The following LUC7L3 variants were observed in gnomAD, a reference collection of about 807,000 sequenced individuals.
The protein encoded by LUC7L3 is LUC7 like 3 pre-mRNA splicing factor, also known as luc7-like protein 3.
A neutral mutation model predicts 66.8 loss-of-function variants in LUC7L3; 6 were observed. That is an observed-to-expected ratio of 0.09 (90% CI 0.05 to 0.18). LUC7L3 has a LOEUF of 0.18. LUC7L3 is among the 10% of genes least tolerant of loss of function. The pLI, the probability that LUC7L3 is intolerant of heterozygous loss-of-function variation, is 1.00. For synonymous variants in LUC7L3, 160 were observed against 174.7 expected (o/e 0.92, Z 0.66); for missense variants, 341 against 531.1 (o/e 0.64, Z 3.52).
rs548930554 is a variant in LUC7L3, at chr17:50,736,790, T to C, written c.100-170T>C. The C allele has an allele frequency of 6.8e-4, 381 of 563,536 alleles. 4 individuals are homozygous for C. The South Asian group carries it at 8.6e-3, about 13-fold the overall frequency. The allele number at this position is 563,536 out of a possible 1,614,324, so 34.9% of individuals were successfully genotyped here. On this transcript the variant is annotated intron_variant, in intron 1 of 9. Transcript: ENST00000505658. The stretch of plus-strand genomic sequence containing the variant: ...TGCAGATTTATTCTTTTATCGAAAT[T>C]CAGGAGTCTGAAAATCACTAATTTA...
At chr17:50,740,987 C>A in intron 3 of LUC7L3, 115 bp from the exon 4 acceptor site, 4 of 989,440 alleles carry the variant, frequency 4.0e-6, no homozygotes, top group Non-Finnish European at 6.2e-6. Context: ...TCAAATACAC[C>A]TGGTTTACCC....
intron 2 of LUC7L3, among the ~76,000 whole-genome samples, chr17:50,739,171 A>G (rs1970185792): frequency 6.6e-6 from 1 of 152,230 alleles, no homozygotes; most frequent in Admixed American, 6.5e-5. Context: ...CTCATCTACT[A>G]CAGAGCAGAA....
intron 1 of LUC7L3, among the ~76,000 whole-genome samples, chr17:50,720,875 GAAA>G (rs1968702037): frequency 2.6e-5 from 4 of 152,182 alleles, no homozygotes; most frequent in Non-Finnish European, 5.9e-5. Context: ...AGGACTTTAA[GAAA>G]GAGTAAGTTT....
intron 1 of LUC7L3, chr17:50,723,477 A>C (rs1044043184): frequency 6.6e-6 from 1 of 152,428 alleles, no homozygotes; most frequent in African/African-American, 2.4e-5. Context: ...TTGCTTTAAA[A>C]ATGTTCAGAA....
Position 50,754,489 on chromosome 17 carries a change from T to C in LUC7L3, c.*3828T>C, listed in dbSNP as rs1971075206. ...TAACAGTTCATTAGTATAAAACAAATTGGGTAAACTTTTGTTGGTCATCAA... is the reference window on the plus strand; with the variant it reads ...TAACAGTTCATTAGTATAAAACAAACTGGGTAAACTTTTGTTGGTCATCAA... On this transcript the variant is annotated 3_prime_UTR_variant, in exon 10 of 10. Coordinates refer to ENST00000505658, the MANE Select transcript of LUC7L3 (RefSeq NM_016424.5). The C allele has an allele frequency of 6.6e-6, 1 of 152,156 alleles. No homozygotes were observed. The highest frequency in any genetic ancestry group is 2.4e-5 in the African/African-American group (1 of 41,438). The allele number at this position is 152,156 out of a possible 1,614,324, so 9.4% of individuals were successfully genotyped here.
At chr17:50,728,461 TAA>T (rs61350072) in intron 1 of LUC7L3, among the ~76,000 whole-genome samples, 1 of 151,634 alleles carries the variant, frequency 6.6e-6, no homozygotes, top group South Asian at 2.1e-4. Context: ...AACTCTTAGG[TAA>T]AAAAAAATAT....
At chr17:50,739,140 A>G (rs1412996274) in intron 2 of LUC7L3, among the ~76,000 whole-genome samples, 1 of 152,216 alleles carries the variant, frequency 6.6e-6, no homozygotes, top group Non-Finnish European at 1.5e-5. Flanking sequence ...GAGGAAAGAA[A>G]AAACAAGAGA....
intron 1 of LUC7L3, among the ~76,000 whole-genome samples, chr17:50,724,756 C>CTTT (rs58826303): frequency 0.026 from 3,337 of 128,392 alleles, 228 homozygotes; most frequent in African/African-American, 0.088. Context: ...AATATTTTCT[C>CTTT]TTTTTTTTTT....
intron 1 of LUC7L3, among the ~76,000 whole-genome samples, chr17:50,721,363 G>A (rs563548228): frequency 6.6e-6 from 1 of 152,098 alleles, no homozygotes; most frequent in Non-Finnish European, 1.5e-5. Context: ...GTAATTTGTT[G>A]CCACATTGCA....
At chr17:50,745,046 G>A (rs1970580464) in intron 7 of LUC7L3, among the ~76,000 whole-genome samples, 1 of 152,100 alleles carries the variant, frequency 6.6e-6, no homozygotes, top group Admixed American at 6.6e-5. Context: ...CTGAAGTACA[G>A]TGGCGTGATC....
At chr17:50,729,916 A>T (rs562660794) in intron 1 of LUC7L3, among the ~76,000 whole-genome samples, 1 of 85,238 alleles carries the variant, frequency 1.2e-5, no homozygotes, top group African/African-American at 4.8e-5. Flanking sequence ...ATATATATAT[A>T]TATATATATA....
chr17:50,749,374 T>G, intron 9 of LUC7L3: 1 of 1,273,926 alleles, frequency 7.8e-7, no homozygotes, highest in Non-Finnish European at 1.0e-6. Flanking sequence ...CCTGGCACAG[T>G]TCTCACAAGT....
At chr17:50,724,126 C>G in intron 1 of LUC7L3, 1 of 302,516 alleles carries the variant, frequency 3.3e-6, no homozygotes, top group South Asian at 2.4e-5. Flanking sequence ...AGCACATAGT[C>G]AATATTATTT....
At chr17:50,746,398 T>C in intron 8 of LUC7L3, 144 bp from the exon 9 acceptor site, 1 of 755,600 alleles carries the variant, frequency 1.3e-6, no homozygotes, top group Non-Finnish European at 2.1e-6. Flanking sequence ...AGATTTTCAA[T>C]AATTTTTAGT....
rs888344881 is a variant in LUC7L3 at position 50,753,082 on chromosome 17, G to T, written c.*2421G>T. ...GTTTATAAATGTATTTGTGTATAGGGTGTGTAGTATATATGGCAAGGGTTT... is the reference window on the plus strand; with the variant it reads ...GTTTATAAATGTATTTGTGTATAGGTTGTGTAGTATATATGGCAAGGGTTT... On this transcript the variant is annotated 3_prime_UTR_variant, in exon 10 of 10. Transcript: ENST00000505658. 2 of 152,228 alleles carry T rather than the reference G, an allele frequency of 1.3e-5. No individual in the cohort carries two copies. The highest frequency in any genetic ancestry group is 2.4e-5 in the African/African-American group (1 of 41,536). 9.4% of individuals were successfully genotyped at this position (152,228 alleles called of 1,614,324 possible).
intron 1 of LUC7L3, among the ~76,000 whole-genome samples, chr17:50,730,022 C>T (rs1387182377): frequency 6.7e-6 from 1 of 149,438 alleles, no homozygotes; most frequent in Non-Finnish European, 1.5e-5. Context: ...GGCACAATCT[C>T]AGCTCACTGC....
intron 1 of LUC7L3, among the ~76,000 whole-genome samples, chr17:50,733,248 G>GTGT (rs1969741822): frequency 6.9e-6 from 1 of 144,448 alleles, no homozygotes; most frequent in African/African-American, 2.5e-5. Context: ...GTAAAACTTT[G>GTGT]TTTTTTTTTT....
chr17:50,741,345 T>C (rs1245070224), intron 4 of LUC7L3, 99 bp downstream of exon 4: 2 of 1,229,824 alleles, frequency 1.6e-6, no homozygotes, highest in African/African-American at 1.5e-5. Context: ...TTCATTACTT[T>C]GTTCTTTAAA....
chr17:50,751,776 C>T lies in LUC7L3; in HGVS notation c.*1115C>T. ...CAGCAGTGTGAATAGCAAGGACAGA[C>T]ACCTTCAATTTGTGAAATCAAAGAA... On this transcript the variant is annotated 3_prime_UTR_variant, in exon 10 of 10. Coordinates refer to ENST00000505658, the MANE Select transcript of LUC7L3 (RefSeq NM_016424.5). 1 of 1,020,424 alleles carries T rather than the reference C, an allele frequency of 9.8e-7. No individual in the cohort carries two copies. Among genetic ancestry groups the T allele is most frequent in the South Asian group, 3.7e-5 (1 of 26,922 alleles). 63.2% of individuals were successfully genotyped at this position (1,020,424 alleles called of 1,614,324 possible). A position where few individuals can be genotyped will look rare whatever the true frequency, so the allele number is the denominator to read the frequency against.
Sources: allele counts gnomAD v4.1 joint callset (sites outside exome capture counted in the v4.1 genomes callset), GRCh38; gene constraint gnomAD v4.1.1; transcripts MANE v1.5; gene names NCBI Gene and HGNC (gene_info 2026-07-23, HGNC 2026-07-21).